The following CREB5 variants were observed in gnomAD, a reference collection of about 807,000 sequenced individuals.
CREB5 encodes cAMP responsive element binding protein 5.
Under a neutral mutation model 57.1 loss-of-function variants are expected in CREB5, and 19 were observed. The observed-to-expected ratio is 0.33, with a 90% CI of 0.23 to 0.49. The LOEUF is 0.49. CREB5 is among the 20% of genes least tolerant of loss of function. CREB5 has a pLI of 0.99. For synonymous variants in CREB5, 238 were observed against 238.3 expected (o/e 1.00, Z 0.01); for missense variants, 579 against 671.6 (o/e 0.86, Z 1.52).
intron 1 of CREB5, among the ~76,000 whole-genome samples, chr7:28,345,762 C>T (rs181630268): frequency 1.5e-3 from 227 of 152,276 alleles, no homozygotes; most frequent in African/African-American, 5.3e-3. Context: ...TGAAGATAGG[C>T]CAGAGGCAGG....
At chr7:28,594,011 A>G (rs1464667050) in intron 5 of CREB5, among the ~76,000 whole-genome samples, 1 of 152,228 alleles carries the variant, frequency 6.6e-6, no homozygotes, top group African/African-American at 2.4e-5. Flanking sequence ...CTTCCGGAGC[A>G]GCGGGAAGCT....
chr7:28,635,395 G>A (rs1415212137), intron 5 of CREB5, among the ~76,000 whole-genome samples: 1 of 152,158 alleles, frequency 6.6e-6, no homozygotes, highest in Non-Finnish European at 1.5e-5. Context: ...TAGAGGAGGT[G>A]GTAGTGGTAA....
intron 1 of CREB5, among the ~76,000 whole-genome samples, chr7:28,314,350 C>T (rs1171139252): frequency 6.6e-6 from 1 of 152,204 alleles, no homozygotes; most frequent in Non-Finnish European, 1.5e-5. Flanking sequence ...ACATTCATTA[C>T]TTTTTCCTTG....
At chr7:28,699,838 C>T (rs1801755967) in intron 5 of CREB5, among the ~76,000 whole-genome samples, 1 of 152,136 alleles carries the variant, frequency 6.6e-6, no homozygotes, top group Non-Finnish European at 1.5e-5. Context: ...CCAAGAGCTC[C>T]AGTGCCTCCC....
intron 5 of CREB5, among the ~76,000 whole-genome samples, chr7:28,653,038 A>G (rs1010180890): frequency 1.3e-5 from 2 of 152,186 alleles, no homozygotes; most frequent in African/African-American, 4.8e-5. Flanking sequence ...TGAGGAAGAG[A>G]ATAAAATTAG....
At chr7:28,725,659 A>AAAGAAAG (rs1554291848) in intron 7 of CREB5, among the ~76,000 whole-genome samples, 82 of 148,262 alleles carry the variant, frequency 5.5e-4, no homozygotes, top group Non-Finnish European at 6.9e-4. Flanking sequence ...AAAAAAAAAA[A>AAAGAAAG]AAAGAAAGAA....
chr7:28,381,746 GTACAA>G (rs1362645488), intron 1 of CREB5, among the ~76,000 whole-genome samples: 1 of 152,144 alleles, frequency 6.6e-6, no homozygotes, highest in African/African-American at 2.4e-5. Flanking sequence ...TCACTCCTAA[GTACAA>G]AATAGAACCA....
At chr7:28,794,894 G>A (rs920266351) in intron 7 of CREB5, among the ~76,000 whole-genome samples, 3 of 152,132 alleles carry the variant, frequency 2.0e-5, no homozygotes, top group African/African-American at 7.2e-5. Context: ...AGGGATGTTC[G>A]TCCCAGTGTT....
intron 7 of CREB5, among the ~76,000 whole-genome samples, chr7:28,803,029 A>T (rs1490832393): frequency 6.6e-6 from 1 of 152,206 alleles, no homozygotes; most frequent in Non-Finnish European, 1.5e-5. Flanking sequence ...AGAAGATAAG[A>T]GAAGAAAATA....
At chr7:28,450,782 CT>C (rs1789757533) in intron 1 of CREB5, among the ~76,000 whole-genome samples, 1 of 152,216 alleles carries the variant, frequency 6.6e-6, no homozygotes, top group African/African-American at 2.4e-5. Context: ...CATATATTCT[CT>C]GCAATTCATG....
At chr7:28,346,734 T>C (rs1786064480) in intron 1 of CREB5, among the ~76,000 whole-genome samples, 1 of 152,182 alleles carries the variant, frequency 6.6e-6, no homozygotes, top group African/African-American at 2.4e-5. Flanking sequence ...TAAAGGTGGT[T>C]AAGAGCGGAG....
chr7:28,412,677 G>T lies in CREB5; in HGVS notation c.-238G>T, dbSNP rs1462362262. ...TAAAAGAAACTTAGAGAACGAGGGAGGTACCAGAGTCTAGGAGGTACCTCT... is the reference window on the plus strand; with the variant it reads ...TAAAAGAAACTTAGAGAACGAGGGATGTACCAGAGTCTAGGAGGTACCTCT... On this transcript the variant is annotated 5_prime_UTR_variant, in exon 1 of 11. In the 5' UTR this introduces an upstream ATG that the reference lacks. Coordinates refer to ENST00000357727, the MANE Select transcript of CREB5 (RefSeq NM_182898.4). The T allele has an allele frequency of 2.6e-6, 1 of 381,574 alleles. No homozygotes were observed. Among genetic ancestry groups the T allele is most frequent in the Non-Finnish European group, 4.6e-6 (1 of 215,444 alleles). The allele number at this position is 381,574 out of a possible 1,614,324, so 23.6% of individuals were successfully genotyped here.
At chr7:28,413,599 T>C (rs1430107091) in intron 1 of CREB5, among the ~76,000 whole-genome samples, 2 of 152,172 alleles carry the variant, frequency 1.3e-5, no homozygotes, top group African/African-American at 4.8e-5. Flanking sequence ...ATTTTTAATG[T>C]AAATTGCTGG....
rs73308846 is a variant in CREB5 at position 28,790,112 on chromosome 7, G to A, written c.703-14087G>A. ...ACGTTTAGGGAAACATTTGGGGTTGGTTGCAGAAGGGTATAATATTTATTT... is the reference window on the plus strand; with the variant it reads ...ACGTTTAGGGAAACATTTGGGGTTGATTGCAGAAGGGTATAATATTTATTT... On this transcript the variant is annotated intron_variant, in intron 7 of 10. Transcript: ENST00000357727. Among the ~76,000 whole-genome samples, 1,091 of 152,286 alleles carry A rather than the reference G, an allele frequency of 7.2e-3. 18 individuals carry two copies. Among genetic ancestry groups the A allele is most frequent in the African/African-American group, 0.024 (979 of 41,564 alleles).
At chr7:28,673,257 T>TG (rs1227963067) in intron 5 of CREB5, among the ~76,000 whole-genome samples, 1 of 152,206 alleles carries the variant, frequency 6.6e-6, no homozygotes, top group African/African-American at 2.4e-5. Flanking sequence ...TCTAACACAA[T>TG]GGCTATCATC....
At chr7:28,344,669 T>C (rs1786004774) in intron 1 of CREB5, among the ~76,000 whole-genome samples, 1 of 152,122 alleles carries the variant, frequency 6.6e-6, no homozygotes, top group South Asian at 2.1e-4. Context: ...CTATCAATAA[T>C]TATTTTGAAT....
chr7:28,304,490 CTT>C (rs1309395732), intron 1 of CREB5, among the ~76,000 whole-genome samples: 1 of 152,184 alleles, frequency 6.6e-6, no homozygotes, highest in East Asian at 1.9e-4. Context: ...AGGAAAAGCA[CTT>C]TCTTAGCCTG....
intron 1 of CREB5, among the ~76,000 whole-genome samples, chr7:28,354,606 A>C (rs1398675988): frequency 6.6e-6 from 1 of 152,208 alleles, no homozygotes. Context: ...TGACTAATAC[A>C]AAAGGTTACA....
intron 2 of CREB5, among the ~76,000 whole-genome samples, chr7:28,491,847 G>A (rs1791822053): frequency 6.6e-6 from 1 of 152,214 alleles, no homozygotes; most frequent in Non-Finnish European, 1.5e-5. Flanking sequence ...CAGGATGACT[G>A]AGAATTGGAA....
Sources: gnomAD v4.1 joint callset for allele counts (sites outside exome capture counted in the v4.1 genomes callset) on GRCh38, gnomAD v4.1.1 for gene constraint, MANE v1.5 for transcripts, NCBI Gene and HGNC (gene_info 2026-07-23, HGNC 2026-07-21) for gene names.